Variants in FMC1 observed in about 807,000 individuals in gnomAD.
FMC1 encodes the protein protein FMC1 homolog.
In FMC1, 6 loss-of-function variants were observed where a neutral mutation model predicts 10.5. That is an observed-to-expected ratio of 0.57 (90% confidence interval 0.31 to 1.12). The LOEUF is 1.12. Ranked by LOEUF, FMC1 falls within the 50% of genes most tolerant of loss-of-function variation. The probability of loss-of-function intolerance (pLI) is 0.05; values close to 1 mark genes in which losing one functional copy is unlikely to be tolerated. For synonymous variants in FMC1, 59 were observed against 62.1 expected, an observed-to-expected ratio of 0.95 and a Z score of 0.24; for missense variants, 146 against 151.7, an observed-to-expected ratio of 0.96 and a Z score of 0.20.
At chr7:139,345,398 G>A in intron 1 of FMC1, 103 bp from the exon 2 acceptor site, 2 of 1,498,692 alleles carry the variant, frequency 1.3e-6, no homozygotes, top group Non-Finnish European at 1.8e-6. Flanking sequence ...TATTTCCTCT[G>A]TGCAATTTAC....
chr7:139,343,488 A>T (rs1799101011), intron 1 of FMC1, among the ~76,000 whole-genome samples: 1 of 152,142 alleles, frequency 6.6e-6, no homozygotes, highest in Admixed American at 6.6e-5. Flanking sequence ...AGGTGAGAGG[A>T]TCACTTGAGC....
intron 1 of FMC1, among the ~76,000 whole-genome samples, chr7:139,344,695 CTT>C (rs1026301999): frequency 1.0e-3 from 120 of 116,356 alleles, no homozygotes; most frequent in Admixed American, 1.9e-3. Context: ...AATTTTCTTT[CTT>C]TTTTTTTTTT....
chr7:139,340,759 T>G (rs766624261), upstream of FMC1: 2 of 373,192 alleles, frequency 5.4e-6, no homozygotes, highest in Non-Finnish European at 9.5e-6. Flanking sequence ...TGGGTTCGAG[T>G]CCCATCTGGG....
chr7:139,341,062 C>G (rs1258860597), upstream of FMC1: 1 of 251,772 alleles, frequency 4.0e-6, no homozygotes, highest in Non-Finnish European at 7.5e-6. Context: ...GCCCGCTTCT[C>G]CTGAGACTCA....
intron 1 of FMC1, among the ~76,000 whole-genome samples, chr7:139,343,373 C>G (rs1276467897): frequency 6.6e-6 from 1 of 152,212 alleles, no homozygotes; most frequent in Non-Finnish European, 1.5e-5. Context: ...AACCCACATT[C>G]TAACAGCATG....
chr7:139,341,606 T>C lies in FMC1; in HGVS notation c.138+84T>C, dbSNP rs575856755. On this transcript the variant is annotated intron_variant, in intron 1 of 1. Coordinates refer to ENST00000297534, the MANE Select transcript of FMC1 (RefSeq NM_197964.5). The stretch of plus-strand genomic sequence containing the variant: ...GGGCTAGGGTGGGGAGCACGGTGTT[T>C]AATTCCTGCATTTCTGAGGCCAACC... The C allele has an allele frequency of 2.2e-5, 34 of 1,540,986 alleles. No individual in the cohort carries two copies. In the African/African-American group the frequency reaches 4.3e-4, roughly 20 times the overall value.
chr7:139,340,738 G>A, upstream of FMC1: 1 of 380,592 alleles, frequency 2.6e-6, no homozygotes, highest in Non-Finnish European at 4.6e-6. Context: ...GGCCTCCTAA[G>A]CCAGGGATTG....
chr7:139,341,187 G>T (rs1270500560), upstream of FMC1: 7 of 938,102 alleles, frequency 7.5e-6, no homozygotes, highest in Non-Finnish European at 1.0e-5. Flanking sequence ...GTCGGGTTTC[G>T]TTTGATTTTG....
rs147387700 is a variant in FMC1, at chr7:139,343,388, A to G, written c.138+1866A>G. Among the ~76,000 whole-genome samples, 44 of 152,350 alleles carry G rather than the reference A, an allele frequency of 2.9e-4. No homozygotes were observed. The East Asian group carries it at 8.1e-3, about 28-fold the overall frequency. ...AACCCACATTCTAACAGCATGGGCA[A>G]CATAGTGTAGTGAGACTTCCTCTCC... On this transcript the variant is annotated intron_variant, in intron 1 of 1. Transcript: ENST00000297534.
Position 139,345,545 on chromosome 7 carries a change from C to A in FMC1, c.183C>A (p.Phe61Leu). Reference protein sequence around the residue: ...KLCRAQHELHFQAATYLCLLR... With the variant: ...KLCRAQHELHLQAATYLCLLR... ...GCAGAGCCCAACATGAGCTTCATTTCCAAGCTGCCACCTATCTCTGCCTCC... is the reference window on the plus strand; with the variant it reads ...GCAGAGCCCAACATGAGCTTCATTTACAAGCTGCCACCTATCTCTGCCTCC... Residue 61 changes from phenylalanine to leucine, a missense_variant, in exon 2 of 2, where the codon TTC becomes TTA. Transcript: ENST00000297534. 1 of 1,614,162 alleles carries A rather than the reference C, an allele frequency of 6.2e-7. No homozygotes were observed. Among genetic ancestry groups the A allele is most frequent in the Non-Finnish European group, 8.5e-7 (1 of 1,180,040 alleles).
rs538178841 is a variant in FMC1, at chr7:139,343,130, C to T, written c.138+1608C>T. Among the ~76,000 whole-genome samples, 6 of 152,244 alleles carry T rather than the reference C, an allele frequency of 3.9e-5. No individual in the cohort carries two copies. The South Asian group carries it at 6.2e-4, about 16-fold the overall frequency. On this transcript the variant is annotated intron_variant, in intron 1 of 1. Coordinates refer to ENST00000297534, the MANE Select transcript of FMC1 (RefSeq NM_197964.5). ...TTTGTCCTCATGATTCAGGCTCAACCGAATCAAGAGCAGTATTCTATCCTA... is the reference window on the plus strand; with the variant it reads ...TTTGTCCTCATGATTCAGGCTCAACTGAATCAAGAGCAGTATTCTATCCTA...
chr7:139,343,115 T>A (rs888332791), intron 1 of FMC1, among the ~76,000 whole-genome samples: 1 of 152,228 alleles, frequency 6.6e-6, no homozygotes, highest in Non-Finnish European at 1.5e-5. Flanking sequence ...TTTGTCCTCA[T>A]GATTCAGGCT....
At position 139,344,869 on chromosome 7, in the gene FMC1, A is replaced by ATT. The variant is rs11421635; in HGVS notation, c.139-616_139-615dup. ...AGGCACCCGCCACCACACCCGGCTA[A>ATT]TTTTTTTTTTTTTTTTTGGATTTTT... On this transcript the variant is annotated intron_variant, in intron 1 of 1. Coordinates refer to ENST00000297534, the MANE Select transcript of FMC1 (RefSeq NM_197964.5). 5.4e-3 allele frequency: 713 copies of ATT among 132,632 alleles called. 4 individuals are homozygous for ATT. The highest frequency in any genetic ancestry group is 0.017 in the East Asian group (78 of 4,602). The allele number at this position is 132,632 out of a possible 1,614,324, so 8.2% of individuals were successfully genotyped here.
intron 1 of FMC1, among the ~76,000 whole-genome samples, chr7:139,342,091 A>G (rs893788449): frequency 5.9e-5 from 9 of 152,172 alleles, no homozygotes; most frequent in African/African-American, 2.2e-4. Flanking sequence ...AGAATGTAAA[A>G]TCTTAGAACT....
Position 139,345,696 on chromosome 7 carries a change from G to C in FMC1, c.334G>C (p.Glu112Gln), listed in dbSNP as rs1264234125. 6.2e-7 allele frequency: 1 copy of C among 1,614,002 alleles called. No homozygotes were observed. The highest frequency in any genetic ancestry group is 1.7e-5 in the Admixed American group (1 of 60,006). ...CCATCAGCCTGGAGGGAAGGGCTGG[G>C]AGCCATGAACATGGAGAATATCCTT... The part of the protein sequence containing the change: ...LPHQPGGKGW[E>Q]P The change falls in exon 2 of 2, where the codon GAG (glutamate) becomes CAG (glutamine). Residue 112 changes from glutamate to glutamine, a missense_variant. By Grantham distance (29) the Glu-to-Gln change is conservative. Coordinates refer to ENST00000297534, the MANE Select transcript of FMC1 (RefSeq NM_197964.5).
chr7:139,341,428 T>A lies in FMC1; in HGVS notation c.44T>A (p.Leu15Gln), dbSNP rs1798954252. ...CCGTCGCACACTTTTCGAGGACTTC[T>A]GCGGGAGTTGCGCTACCTGAGCGCG... Reference protein sequence around the residue: ...GSPSHTFRGLLRELRYLSAAT... With the variant: ...GSPSHTFRGLQRELRYLSAAT... The change falls in exon 1 of 2, where the codon CTG (leucine) becomes CAG (glutamine). Residue 15 changes from leucine (L) to glutamine (Q), a missense_variant. Transcript: ENST00000297534. 6.2e-7 allele frequency: 1 copy of A among 1,613,598 alleles called. No individual in the cohort carries two copies. Among genetic ancestry groups the A allele is most frequent in the Non-Finnish European group, 8.5e-7 (1 of 1,180,002 alleles).
At chr7:139,341,333 T>C (rs114009688), upstream of FMC1, 1,237 of 1,570,636 alleles carry the variant, frequency 7.9e-4, 9 homozygotes, top group African/African-American at 0.015. Flanking sequence ...GAGGAGGGGT[T>C]TTCAGGGTCG....
At chr7:139,343,800 T>C (rs1048069486) in intron 1 of FMC1, among the ~76,000 whole-genome samples, 5 of 151,094 alleles carry the variant, frequency 3.3e-5, no homozygotes, top group African/African-American at 7.3e-5. Flanking sequence ...CCGGATATGG[T>C]GGTGTGCGTC....
chr7:139,342,283 G>T (rs905186226), intron 1 of FMC1, among the ~76,000 whole-genome samples: 1 of 152,144 alleles, frequency 6.6e-6, no homozygotes, highest in African/African-American at 2.4e-5. Context: ...AGGGGCTGGG[G>T]TATAAAGAAG....
Sources: gnomAD v4.1 joint callset for allele counts (sites outside exome capture counted in the v4.1 genomes callset) on GRCh38, gnomAD v4.1.1 for gene constraint, MANE v1.5 for transcripts, NCBI Gene and HGNC (gene_info 2026-07-23, HGNC 2026-07-21) for gene names.